CA10: variants seen among roughly 807,000 people sequenced by gnomAD.
CA10 encodes the protein carbonic anhydrase-related protein 10.
Under a neutral mutation model 44.2 loss-of-function variants are expected in CA10, and 14 were observed. The observed-to-expected ratio is 0.32, with a 90% confidence interval of 0.21 to 0.50. CA10 has a LOEUF of 0.50. CA10 is among the 20% of genes least tolerant of loss of function. The pLI, the probability that CA10 is intolerant of heterozygous loss-of-function variation, is 0.99. For missense variants in CA10, 350 were observed against 409.7 expected (o/e 0.85, Z 1.26); for synonymous variants, 159 against 141.6 (o/e 1.12, Z -0.87).
At chr17:51,683,737 G>A (rs186365148) in intron 4 of CA10, among the ~76,000 whole-genome samples, 3 of 152,236 alleles carry the variant, frequency 2.0e-5, no homozygotes, top group East Asian at 1.9e-4. Context: ...AAGAAACCCC[G>A]GGACAAGCCA....
intron 3 of CA10, among the ~76,000 whole-genome samples, chr17:51,782,436 C>T (rs1906100694): frequency 6.6e-6 from 1 of 152,162 alleles, no homozygotes; most frequent in Admixed American, 6.5e-5. Context: ...ATGGAGAAAA[C>T]ATTTTCTCCA....
At chr17:52,153,029 C>A (rs1283450890) in intron 1 of CA10, among the ~76,000 whole-genome samples, 2 of 152,162 alleles carry the variant, frequency 1.3e-5, no homozygotes, top group East Asian at 3.9e-4. Flanking sequence ...TGACCTTAGT[C>A]CCAAGTATGT....
intron 2 of CA10, among the ~76,000 whole-genome samples, chr17:52,038,400 T>A (rs936375518): frequency 6.6e-6 from 1 of 152,176 alleles, no homozygotes; most frequent in South Asian, 2.1e-4. Context: ...TTTGCCCAAA[T>A]AGAGCAGCTT....
chr17:51,963,810 AT>A (rs1983981068), intron 2 of CA10, among the ~76,000 whole-genome samples: 1 of 152,192 alleles, frequency 6.6e-6, no homozygotes, highest in Non-Finnish European at 1.5e-5. Flanking sequence ...TACCATAAAA[AT>A]ACACCTAAGT....
intron 4 of CA10, among the ~76,000 whole-genome samples, chr17:51,742,407 T>C (rs925326563): frequency 6.6e-6 from 1 of 152,218 alleles, no homozygotes; most frequent in Admixed American, 6.5e-5. Context: ...ATTCATTGCC[T>C]AATGGGGCCC....
intron 2 of CA10, among the ~76,000 whole-genome samples, chr17:51,969,398 T>C (rs1234695584): frequency 6.6e-6 from 1 of 152,084 alleles, no homozygotes; most frequent in Non-Finnish European, 1.5e-5. Flanking sequence ...AGAGCTGTAA[T>C]TTCACTGTGC....
intron 3 of CA10, among the ~76,000 whole-genome samples, chr17:51,787,881 A>G (rs1159419421): frequency 2.6e-5 from 4 of 151,792 alleles, no homozygotes; most frequent in Non-Finnish European, 5.9e-5. Context: ...AAGTTTGTCT[A>G]TTTTGTTTAA....
intron 2 of CA10, among the ~76,000 whole-genome samples, chr17:52,008,155 TC>T (rs1420068243): frequency 6.6e-6 from 1 of 151,802 alleles, no homozygotes; most frequent in Non-Finnish European, 1.5e-5. Context: ...GATCATCTCT[TC>T]TTTGTTTTCT....
intron 3 of CA10, among the ~76,000 whole-genome samples, chr17:51,815,005 C>T (rs1296248495): frequency 6.6e-6 from 1 of 152,120 alleles, no homozygotes; most frequent in Admixed American, 6.6e-5. Flanking sequence ...GTCTTGTTGG[C>T]TTTTCTTTCT....
chr17:51,703,668 G>A (rs1337647150), intron 4 of CA10, among the ~76,000 whole-genome samples: 3 of 152,162 alleles, frequency 2.0e-5, no homozygotes, highest in Non-Finnish European at 4.4e-5. Flanking sequence ...TGAGGTGTGC[G>A]ATGTACAAGA....
intron 2 of CA10, among the ~76,000 whole-genome samples, chr17:52,020,240 A>G (rs1986094713): frequency 1.3e-5 from 2 of 151,934 alleles, no homozygotes; most frequent in South Asian, 2.1e-4. Flanking sequence ...TATTTTTGGC[A>G]TTTCCTGAAC....
At chr17:52,121,254 A>G (rs1989009043) in intron 1 of CA10, among the ~76,000 whole-genome samples, 1 of 152,178 alleles carries the variant, frequency 6.6e-6, no homozygotes, top group South Asian at 2.1e-4. Flanking sequence ...CAAAGGATTC[A>G]CCTTCTCTGC....
intron 4 of CA10, among the ~76,000 whole-genome samples, chr17:51,676,742 A>G (rs892301889): frequency 6.6e-6 from 1 of 152,206 alleles, no homozygotes; most frequent in African/African-American, 2.4e-5. Context: ...GGTTATGTGC[A>G]CCCACTTCAC....
chr17:52,039,396 C>T (rs1334306064), intron 2 of CA10, among the ~76,000 whole-genome samples: 2 of 151,938 alleles, frequency 1.3e-5, no homozygotes, highest in Admixed American at 6.6e-5. Flanking sequence ...AAACAGCAGG[C>T]CCTGGCTTTA....
chr17:51,703,955 T>G (rs2143468551), intron 4 of CA10, among the ~76,000 whole-genome samples: 1 of 152,204 alleles, frequency 6.6e-6, no homozygotes, highest in Admixed American at 6.5e-5. Context: ...AAGGATGTCC[T>G]ATGGGGTCAC....
rs531919067 is a variant in CA10 at position 51,969,843 on chromosome 17, C to T, written c.137-38711G>A. Among the ~76,000 whole-genome samples the T allele has an allele frequency of 3.0e-4, 45 of 151,716 alleles. No homozygotes were observed. The South Asian group carries it at 5.2e-3, about 18-fold the overall frequency. On this transcript the variant is annotated intron_variant, in intron 2 of 8. Transcript: ENST00000451037. Reference sequence around the variant, plus strand: ...GAGGCAAACAGTACTAACAAAGAAACGGAAAAAAAATAAAATAAAAATTAT... The same window carrying T: ...GAGGCAAACAGTACTAACAAAGAAATGGAAAAAAAATAAAATAAAAATTAT...
chr17:51,982,460 T>C (rs1984684575), intron 2 of CA10, among the ~76,000 whole-genome samples: 1 of 151,900 alleles, frequency 6.6e-6, no homozygotes, highest in African/African-American at 2.4e-5. Context: ...GGGAGGGAAA[T>C]GTAATGCCCT....
chr17:51,960,687 T>A lies in CA10; in HGVS notation c.137-29555A>T, dbSNP rs190157600. On this transcript the variant is annotated intron_variant, in intron 2 of 8. Coordinates refer to ENST00000451037, the MANE Select transcript of CA10 (RefSeq NM_020178.5). ...AAGTGAAATAAAGACCATCTGATCATAGCAAAATTAAACTAGAAATCAAAA... is the reference window on the plus strand; with the variant it reads ...AAGTGAAATAAAGACCATCTGATCAAAGCAAAATTAAACTAGAAATCAAAA... Among the ~76,000 whole-genome samples, 11 of 152,278 alleles carry A rather than the reference T, an allele frequency of 7.2e-5. No individual in the cohort carries two copies. The East Asian group carries it at 2.1e-3, about 29-fold the overall frequency.
At chr17:52,127,335 G>C (rs991993053) in intron 1 of CA10, among the ~76,000 whole-genome samples, 1 of 151,886 alleles carries the variant, frequency 6.6e-6, no homozygotes, top group African/African-American at 2.4e-5. Flanking sequence ...ATCCACTACA[G>C]TTTACCTACC....
Sources: allele counts gnomAD v4.1 joint callset (sites outside exome capture counted in the v4.1 genomes callset), GRCh38; gene constraint gnomAD v4.1.1; transcripts MANE v1.5; gene names NCBI Gene and HGNC (gene_info 2026-07-23, HGNC 2026-07-21).